The following RAPH1 variants were observed in gnomAD, a reference collection of about 807,000 sequenced individuals.
The protein encoded by RAPH1 is Ras association (RalGDS/AF-6) and pleckstrin homology domains 1.
RAPH1 carries 18 observed loss-of-function variants against 88.1 expected under a neutral mutation model. That is an observed-to-expected ratio of 0.20 (90% CI 0.14 to 0.30). The LOEUF (loss-of-function observed/expected upper bound fraction) is 0.30, where lower values mean the gene tolerates loss of function less well. RAPH1 is among the 10% of genes least tolerant of loss of function. RAPH1 has a pLI of 1.00. For missense variants in RAPH1, 1,448 were observed against 1,543.2 expected, an observed-to-expected ratio of 0.94 and a Z score of 1.03; for synonymous variants, 587 against 559.0, an observed-to-expected ratio of 1.05 and a Z score of -0.71.
rs1689184183 is a variant in RAPH1 at position 203,508,304 on chromosome 2, T to C, written c.1-12951A>G. 2.0e-5 allele frequency among the ~76,000 whole-genome samples: 3 copies of C among 151,720 alleles called. No individual in the cohort carries two copies. The South Asian group carries it at 6.2e-4, about 32-fold the overall frequency. On this transcript the variant is annotated intron_variant, in intron 1 of 13. Coordinates refer to ENST00000319170, the MANE Select transcript of RAPH1 (RefSeq NM_213589.3). ...ATGCACCACCATGCCTGGCTAATTT[T>C]GTATTTTTAGTAGAGACAGGGTTTC...
chr2:203,453,545 CAAAAAAAA>C (rs59304139), intron 10 of RAPH1, among the ~76,000 whole-genome samples: 3 of 28,270 alleles, frequency 1.1e-4, no homozygotes, highest in African/African-American at 3.5e-4. Context: ...GACCCTGCCT[CAAAAAAAA>C]AAAAAAAAAA....
At chr2:203,534,098 T>C (rs958995991) in intron 1 of RAPH1, among the ~76,000 whole-genome samples, 2 of 152,204 alleles carry the variant, frequency 1.3e-5, no homozygotes, top group African/African-American at 4.8e-5. Context: ...GACTCTTTAA[T>C]AATCCGATCA....
rs1193957945 is a variant in RAPH1 at position 203,436,066 on chromosome 2, C to T, written c.*3371G>A. 1.3e-5 allele frequency: 2 copies of T among 152,110 alleles called. No homozygotes were observed. The highest frequency in any genetic ancestry group is 2.9e-5 in the Non-Finnish European group (2 of 68,014). The allele number at this position is 152,110 out of a possible 1,614,324, so 9.4% of individuals were successfully genotyped here. ...ACTTGGTTGGAATTATTATGATCCC[C>T]CAATTTAAATTTTCTTGATAAACTC... On this transcript the variant is annotated 3_prime_UTR_variant, in exon 14 of 14. Coordinates refer to ENST00000319170, the MANE Select transcript of RAPH1 (RefSeq NM_213589.3).
At chr2:203,454,731 A>C (rs2098517833) in intron 9 of RAPH1, among the ~76,000 whole-genome samples, 191 bp from the exon 10 acceptor site, 1 of 152,230 alleles carries the variant, frequency 6.6e-6, no homozygotes, top group African/African-American at 2.4e-5. Flanking sequence ...ACAAAAAAGC[A>C]GCCCATTTTA....
At chr2:203,465,424 C>T (rs2098527704) in intron 4 of RAPH1, among the ~76,000 whole-genome samples, 1 of 152,118 alleles carries the variant, frequency 6.6e-6, no homozygotes, top group South Asian at 2.1e-4. Context: ...AACTACATGA[C>T]ACTGGAAAAG....
chr2:203,444,228 T>C (rs1215374445), intron 13 of RAPH1: 1 of 150,216 alleles, frequency 6.7e-6, no homozygotes, highest in East Asian at 2.0e-4. Context: ...AGTCAAGAGG[T>C]TGAAACCATC....
intron 7 of RAPH1, 45 bp from the exon 8 acceptor site, chr2:203,457,640 A>G (rs1416067353): frequency 1.5e-6 from 2 of 1,374,332 alleles, no homozygotes; most frequent in African/African-American, 1.4e-5. Context: ...AGAGAAAAAA[A>G]GAAGGTTAAA....
intron 1 of RAPH1, among the ~76,000 whole-genome samples, chr2:203,501,062 T>G (rs1003548075): frequency 2.0e-5 from 3 of 152,158 alleles, no homozygotes; most frequent in Non-Finnish European, 4.4e-5. Flanking sequence ...AAGACTTCCA[T>G]GTTCAAGGAG....
intron 1 of RAPH1, among the ~76,000 whole-genome samples, chr2:203,504,635 T>G (rs1479079477): frequency 6.6e-6 from 1 of 151,918 alleles, no homozygotes; most frequent in Non-Finnish European, 1.5e-5. Flanking sequence ...TCCTTGCTAT[T>G]TATGCAAATT....
chr2:203,493,415 C>T (rs908184193), intron 2 of RAPH1, among the ~76,000 whole-genome samples: 10 of 152,298 alleles, frequency 6.6e-5, no homozygotes, highest in African/African-American at 2.2e-4. Flanking sequence ...GTCAAGAACA[C>T]CCCACATGTC....
intron 4 of RAPH1, chr2:203,477,088 A>G: frequency 1.2e-6 from 2 of 1,612,964 alleles, no homozygotes; most frequent in Non-Finnish European, 1.7e-6. Flanking sequence ...GTGTCAGCTC[A>G]GCCTGTTCTT....
chr2:203,450,391 A>C (rs755914886), intron 10 of RAPH1, among the ~76,000 whole-genome samples: 34 of 152,246 alleles, frequency 2.2e-4, no homozygotes, highest in Non-Finnish European at 4.6e-4. Flanking sequence ...AATACCTAAC[A>C]GTCTTCCCTC....
intron 1 of RAPH1, among the ~76,000 whole-genome samples, chr2:203,530,292 A>G (rs1690330687): frequency 6.6e-6 from 1 of 152,222 alleles, no homozygotes; most frequent in Non-Finnish European, 1.5e-5. Context: ...AAGCTGGCAA[A>G]AGCATTGCTA....
intron 6 of RAPH1, 101 bp downstream of exon 6, chr2:203,461,146 CAT>C (rs149163611): frequency 3.5e-3 from 1,628 of 466,478 alleles, no homozygotes; most frequent in Non-Finnish European, 3.7e-3. Flanking sequence ...AAAATAAAAA[CAT>C]ATATATATAT....
chr2:203,486,948 T>TA (rs1687998880), intron 4 of RAPH1, among the ~76,000 whole-genome samples: 1 of 152,214 alleles, frequency 6.6e-6, no homozygotes, highest in African/African-American at 2.4e-5. Flanking sequence ...TAAACTCTTA[T>TA]ATTAAACATT....
chr2:203,492,220 C>T (rs558759673), intron 2 of RAPH1, among the ~76,000 whole-genome samples: 109 of 132,960 alleles, frequency 8.2e-4, no homozygotes, highest in Middle Eastern at 3.9e-3. Context: ...GGCGACAGAG[C>T]GAGACTCAAT....
intron 1 of RAPH1, among the ~76,000 whole-genome samples, chr2:203,529,017 T>A (rs1266388498): frequency 1.6e-5 from 2 of 127,680 alleles, no homozygotes; most frequent in Non-Finnish European, 3.3e-5. Context: ...TTTTTTTTTT[T>A]TTTTTTTTTT....
chr2:203,524,029 C>G (rs758762442), intron 1 of RAPH1, among the ~76,000 whole-genome samples: 28 of 152,072 alleles, frequency 1.8e-4, no homozygotes, highest in Admixed American at 2.6e-4. Context: ...AAAAGACAAG[C>G]TAAGTTACAG....
At chr2:203,441,621 G>A (rs2098504258) in intron 13 of RAPH1, 1 of 1,346,016 alleles carries the variant, frequency 7.4e-7, no homozygotes. Flanking sequence ...CAGAAAACTT[G>A]TTTTACCCCA....
Sources: allele counts gnomAD v4.1 joint callset (sites outside exome capture counted in the v4.1 genomes callset), GRCh38; gene constraint gnomAD v4.1.1; transcripts MANE v1.5; gene names NCBI Gene and HGNC (gene_info 2026-07-23, HGNC 2026-07-21).